Variants in INPP5A observed in about 807,000 individuals in gnomAD.
INPP5A encodes the protein inositol polyphosphate-5-phosphatase A.
A neutral mutation model predicts 65.2 loss-of-function variants in INPP5A; 14 were observed. The observed-to-expected ratio is 0.21, with a 90% CI of 0.14 to 0.34. The LOEUF (loss-of-function observed/expected upper bound fraction) is 0.34, where lower values mean the gene tolerates loss of function less well. INPP5A is among the 10% of genes least tolerant of loss of function. The pLI is 1.00. For synonymous variants in INPP5A, 207 were observed against 208.3 expected (o/e 0.99, Z 0.05); for missense variants, 431 against 545.6 (o/e 0.79, Z 2.09).
chr10:132,652,691 T>G (rs1240618109), intron 4 of INPP5A, among the ~76,000 whole-genome samples: 1 of 152,192 alleles, frequency 6.6e-6, no homozygotes, highest in Non-Finnish European at 1.5e-5. Context: ...CCTTTAGATA[T>G]AAAGACACAG....
At chr10:132,688,670 A>G (rs993686477) in intron 4 of INPP5A, among the ~76,000 whole-genome samples, 1 of 149,256 alleles carries the variant, frequency 6.7e-6, no homozygotes, top group Non-Finnish European at 1.5e-5. Flanking sequence ...AGTGTGAACA[A>G]GTGTGTGCGT....
At chr10:132,739,437 T>A (rs1396805979) in intron 9 of INPP5A, among the ~76,000 whole-genome samples, 2 of 152,172 alleles carry the variant, frequency 1.3e-5, no homozygotes, top group Non-Finnish European at 2.9e-5. Flanking sequence ...GGAAGGTGGT[T>A]TACTCATCCT....
intron 4 of INPP5A, among the ~76,000 whole-genome samples, chr10:132,652,181 C>T (rs1161855243): frequency 6.6e-6 from 1 of 152,004 alleles, no homozygotes; most frequent in African/African-American, 2.4e-5. Context: ...CAAGTAGGGG[C>T]TTATTCAGAT....
intron 13 of INPP5A, among the ~76,000 whole-genome samples, chr10:132,778,812 C>T (rs909102892): frequency 1.3e-5 from 2 of 152,216 alleles, no homozygotes; most frequent in Non-Finnish European, 2.9e-5. Context: ...CCTCACTGCC[C>T]ATCTGTGTCT....
chr10:132,550,105 C>T lies in INPP5A; in HGVS notation c.75+11934C>T, dbSNP rs954420645. 2.0e-5 allele frequency among the ~76,000 whole-genome samples: 3 copies of T among 151,280 alleles called. No individual in the cohort carries two copies. Among genetic ancestry groups the T allele is most frequent in the East Asian group, 2.0e-4 (1 of 5,116 alleles). Reference sequence around the variant, plus strand: ...ATGGGGTCAGCCTCGAGTTACTAACCGGGCATTAGGGGATGGGGTCAGGCT... The same window carrying T: ...ATGGGGTCAGCCTCGAGTTACTAACTGGGCATTAGGGGATGGGGTCAGGCT... On this transcript the variant is annotated intron_variant, in intron 1 of 15. Transcript: ENST00000368594. This position sits in a 1 kb window ranked among gnomAD's most constrained non-coding sequence, Gnocchi z 4.2.
At position 132,670,843 on chromosome 10, in the gene INPP5A, CTT is replaced by C. The variant is rs11289296; in HGVS notation, c.307-19528_307-19527del. On this transcript the variant is annotated intron_variant, in intron 4 of 15. Transcript: ENST00000368594. ...TGATTTCTTGGCAGTGTCTTTCTTT[CTT>C]TTTTTTTTTTTTTTTTTTTTAAGGA... is the stretch of plus-strand genomic sequence containing the variant. Among the ~76,000 whole-genome samples the C allele has an allele frequency of 3.1e-3, 361 of 117,018 alleles. 1 individual carries two copies. Among genetic ancestry groups the C allele is most frequent in the Middle Eastern group, 0.019 (4 of 208 alleles). The allele number at this position is 117,018 out of a possible 152,430, so 76.8% of individuals were successfully genotyped here. A position where few individuals can be genotyped will look rare whatever the true frequency, so the allele number is the denominator to read the frequency against.
intron 4 of INPP5A, among the ~76,000 whole-genome samples, chr10:132,680,812 G>A (rs1255739966): frequency 6.6e-6 from 1 of 152,260 alleles, no homozygotes; most frequent in Non-Finnish European, 1.5e-5. Flanking sequence ...AGCTGCGGAG[G>A]GTGTACTGGG....
At chr10:132,570,216 G>T (rs1437850266) in intron 1 of INPP5A, among the ~76,000 whole-genome samples, 2 of 152,138 alleles carry the variant, frequency 1.3e-5, no homozygotes, top group African/African-American at 2.4e-5. Flanking sequence ...CAAAGTGCTG[G>T]GATTACAGGT....
At chr10:132,708,230 C>A in intron 6 of INPP5A, 83 bp from the exon 7 acceptor site, 1 of 1,228,852 alleles carries the variant, frequency 8.1e-7, no homozygotes, top group South Asian at 1.2e-5. Flanking sequence ...AAAGCATCTC[C>A]TGTGTCCTTT....
chr10:132,708,592 T>A, intron 7 of INPP5A: 2 of 668,388 alleles, frequency 3.0e-6, no homozygotes. Context: ...CCAGTGCCAA[T>A]GGAGACACAG....
intron 1 of INPP5A, among the ~76,000 whole-genome samples, chr10:132,565,456 G>A (rs1482315898): frequency 6.6e-6 from 1 of 152,214 alleles, no homozygotes; most frequent in Admixed American, 6.5e-5. Context: ...CTTTGGATTT[G>A]TGTGTTTAGA....
At position 132,538,197 on chromosome 10, in the gene INPP5A, C is replaced by A; in HGVS notation, c.75+26C>A. The A allele has an allele frequency of 1.6e-6, 2 of 1,255,672 alleles. No individual in the cohort carries two copies. The highest frequency in any genetic ancestry group is 6.3e-5 in the East Asian group (2 of 31,904). 77.8% of individuals were successfully genotyped at this position (1,255,672 alleles called of 1,614,324 possible). On this transcript the variant is annotated intron_variant, in intron 1 of 15. Coordinates refer to ENST00000368594, the MANE Select transcript of INPP5A (RefSeq NM_005539.5). The surrounding 1 kb of genome is among the most constrained non-coding windows in gnomAD (Gnocchi z 4.1). ...GTAAGTCCCCCGTGCCGGCGGCAGG[C>A]CCCAAGCCCGGAACCCCCGACCCTG...
At position 132,549,406 on chromosome 10, in the gene INPP5A, T is replaced by C. The variant is rs2071022192; in HGVS notation, c.75+11235T>C. On this transcript the variant is annotated intron_variant, in intron 1 of 15. Coordinates refer to ENST00000368594, the MANE Select transcript of INPP5A (RefSeq NM_005539.5). This position sits in a 1 kb window ranked among gnomAD's most constrained non-coding sequence, Gnocchi z 4.9. The stretch of plus-strand genomic sequence containing the variant: ...GCATTTGTCTTTTTAATTATGGCTG[T>C]GTGGTGGCATCTTGCGGTTTAACTT... Among the ~76,000 whole-genome samples, 1 of 152,326 alleles carries C rather than the reference T, an allele frequency of 6.6e-6. No homozygotes were observed. The highest frequency in any genetic ancestry group is 6.5e-5 in the Admixed American group (1 of 15,302).
chr10:132,646,475 G>T (rs946055892), intron 3 of INPP5A, among the ~76,000 whole-genome samples: 1 of 152,150 alleles, frequency 6.6e-6, no homozygotes, highest in South Asian at 2.1e-4. Flanking sequence ...AAGAGGGGGC[G>T]CCCGGACCTG....
chr10:132,713,248 G>A (rs1436540283), intron 8 of INPP5A, among the ~76,000 whole-genome samples: 1 of 152,030 alleles, frequency 6.6e-6, no homozygotes, highest in Non-Finnish European at 1.5e-5. Context: ...ACAGGTGTGG[G>A]TGCATGTGCA....
intron 12 of INPP5A, among the ~76,000 whole-genome samples, chr10:132,775,331 TC>T (rs889379850): frequency 3.3e-5 from 5 of 151,142 alleles, no homozygotes; most frequent in Non-Finnish European, 5.9e-5. Flanking sequence ...CCTGTGTGCC[TC>T]CCCCCCCACC....
chr10:132,614,219 A>G (rs1292773782), intron 2 of INPP5A, among the ~76,000 whole-genome samples: 1 of 152,162 alleles, frequency 6.6e-6, no homozygotes, highest in Non-Finnish European at 1.5e-5. Flanking sequence ...CAATCCCAGC[A>G]CTTTGGGAGG....
At chr10:132,583,408 C>T (rs1037030595) in intron 1 of INPP5A, among the ~76,000 whole-genome samples, 1 of 152,130 alleles carries the variant, frequency 6.6e-6, no homozygotes, top group South Asian at 2.1e-4. Flanking sequence ...TTTCCTGCCT[C>T]GTTGGGCTGG....
chr10:132,778,479 A>T (rs148260809), intron 13 of INPP5A, among the ~76,000 whole-genome samples: 11 of 152,010 alleles, frequency 7.2e-5, no homozygotes, highest in African/African-American at 2.7e-4. Context: ...TGATTTTTCA[A>T]TTCCCACATT....
Sources: gnomAD v4.1 joint callset for allele counts (sites outside exome capture counted in the v4.1 genomes callset) on GRCh38, gnomAD v4.1.1 for gene constraint, Gnocchi (gnomAD v3.1) non-coding constraint, MANE v1.5 for transcripts, NCBI Gene and HGNC (gene_info 2026-07-23, HGNC 2026-07-21) for gene names.